MGRN1: variants seen among roughly 807,000 people sequenced by gnomAD.
MGRN1 encodes the protein mahogunin ring finger 1.
MGRN1 carries 29 observed loss-of-function variants against 69.2 expected under a neutral mutation model. The ratio of observed to expected loss-of-function variants is 0.42; its 90% CI spans 0.31 to 0.57. The LOEUF is 0.57. MGRN1 is among the 20% of genes least tolerant of loss of function. The probability of loss-of-function intolerance (pLI) is 0.15; values close to 1 mark genes in which losing one functional copy is unlikely to be tolerated. For synonymous variants in MGRN1, 470 were observed against 344.2 expected (o/e 1.37, Z -4.04); for missense variants, 998 against 796.2 (o/e 1.25, Z -3.05).
intron 1 of MGRN1, among the ~76,000 whole-genome samples, chr16:4,643,058 C>T (rs553964617): frequency 2.6e-5 from 4 of 152,162 alleles, no homozygotes; most frequent in Admixed American, 6.5e-5. Flanking sequence ...CAAGTTCAAG[C>T]GATTCTCGTG....
intron 10 of MGRN1, 49 bp from the exon 11 acceptor site, chr16:4,677,414 G>A: frequency 1.4e-6 from 2 of 1,449,190 alleles, no homozygotes; most frequent in Admixed American, 4.4e-5. Flanking sequence ...GGTCCCCTCG[G>A]GGCTGGGTGT....
intron 1 of MGRN1, among the ~76,000 whole-genome samples, chr16:4,638,433 C>G (rs1302752032): frequency 2.6e-5 from 4 of 151,924 alleles, no homozygotes; most frequent in Non-Finnish European, 5.9e-5. Context: ...CCACTGCACT[C>G]CAGCCTGGGT....
chr16:4,639,343 G>C (rs1258989467), intron 1 of MGRN1, among the ~76,000 whole-genome samples: 1 of 152,138 alleles, frequency 6.6e-6, no homozygotes, highest in South Asian at 2.1e-4. Flanking sequence ...GCCTCACCGC[G>C]GCATCCCAAG....
At chr16:4,632,148 C>G (rs1214025897) in intron 1 of MGRN1, among the ~76,000 whole-genome samples, 1 of 150,000 alleles carries the variant, frequency 6.7e-6, no homozygotes, top group African/African-American at 2.5e-5. Context: ...TCCTGTGTTG[C>G]TGGGACTACA....
At position 4,627,553 on chromosome 16, in the gene MGRN1, C is replaced by G. The variant is rs552880175; in HGVS notation, c.88+2505C>G. On this transcript the variant is annotated intron_variant, in intron 1 of 16. Coordinates refer to ENST00000262370, the MANE Select transcript of MGRN1 (RefSeq NM_015246.4). ...CTATAATCCCATCACTTTGGGAGGC[C>G]AAGGCGGGCGGATCACAAGGTCAGG... Among the ~76,000 whole-genome samples the G allele has an allele frequency of 1.2e-4, 18 of 148,804 alleles. No homozygotes were observed. The South Asian group carries it at 2.8e-3, about 23-fold the overall frequency.
At chr16:4,668,410 C>G (rs542701692) in intron 8 of MGRN1, 98 bp downstream of exon 8, 3 of 1,271,840 alleles carry the variant, frequency 2.4e-6, no homozygotes, top group Non-Finnish European at 3.4e-6. Context: ...CTCATACACA[C>G]GCACATATAC....
intron 16 of MGRN1, 109 bp from the exon 17 acceptor site, chr16:4,688,687 G>T: frequency 6.9e-7 from 1 of 1,452,782 alleles, no homozygotes; most frequent in Non-Finnish European, 9.1e-7. Context: ...GGCGGCGGGA[G>T]TGGGGGTGCT....
In MGRN1 at chr16:4,689,031, G is replaced by C. The variant is rs548702721; in HGVS notation, c.*123G>C. 3.3e-5 allele frequency: 43 copies of C among 1,314,916 alleles called. No individual in the cohort carries two copies. The South Asian group carries it at 6.1e-4, about 19-fold the overall frequency. The allele number at this position is 1,314,916 out of a possible 1,614,324, so 81.5% of individuals were successfully genotyped here. On this transcript the variant is annotated 3_prime_UTR_variant, in exon 17 of 17. Coordinates refer to ENST00000262370, the MANE Select transcript of MGRN1 (RefSeq NM_015246.4). ...CCCCCTGTGGCCACCAGGCTCCGAG[G>C]GGCCGTGGTGACTCTTGATCAAAGA...
chr16:4,686,242 TC>T (rs1422573615), intron 16 of MGRN1: 40 of 1,541,126 alleles, frequency 2.6e-5, no homozygotes, highest in Non-Finnish European at 3.4e-5. Flanking sequence ...CGTCTGTCTC[TC>T]CCCCTCTCCG....
intron 8 of MGRN1, 44 bp from the exon 9 acceptor site, chr16:4,671,347 A>G (rs773351319): frequency 1.3e-6 from 2 of 1,595,594 alleles, no homozygotes; most frequent in Non-Finnish European, 1.7e-6. Flanking sequence ...GAGCCCTCAT[A>G]TGGCAGTTGG....
chr16:4,669,221 C>T, intron 8 of MGRN1: 1 of 152,262 alleles, frequency 6.6e-6, no homozygotes, highest in Non-Finnish European at 1.5e-5. Context: ...ATCACTTGAG[C>T]CCAGGAGTTT....
chr16:4,627,232 A>G lies in MGRN1; in HGVS notation c.88+2184A>G, dbSNP rs545703189. ...CCCGATGAGAAAGCTTTCTTTTCACATCTCTGTCAATTTTGTTGATTATGT... is the reference window on the plus strand; with the variant it reads ...CCCGATGAGAAAGCTTTCTTTTCACGTCTCTGTCAATTTTGTTGATTATGT... On this transcript the variant is annotated intron_variant, in intron 1 of 16. Transcript: ENST00000262370. 6.6e-5 allele frequency among the ~76,000 whole-genome samples: 10 copies of G among 152,282 alleles called. No individual in the cohort carries two copies. In the East Asian group the frequency reaches 1.4e-3, roughly 21 times the overall value.
At position 4,678,734 on chromosome 16, in the gene MGRN1, C is replaced by G. The variant is rs555074424; in HGVS notation, c.1065+1162C>G. On this transcript the variant is annotated intron_variant, in intron 11 of 16. Coordinates refer to ENST00000262370, the MANE Select transcript of MGRN1 (RefSeq NM_015246.4). ...TTGTCAGATTGAGTGCCTTTCTTGG[C>G]TCTTAGCTGTGGCTGTTATGAGCCG... 4.8e-3 allele frequency among the ~76,000 whole-genome samples: 731 copies of G among 152,344 alleles called. 3 individuals carry two copies. Among genetic ancestry groups the G allele is most frequent in the Non-Finnish European group, 8.3e-3 (564 of 68,032 alleles).
At position 4,673,753 on chromosome 16, in the gene MGRN1, A is replaced by T. The variant is rs1223565985; in HGVS notation, c.955+96A>T. On this transcript the variant is annotated intron_variant, in intron 10 of 16. Transcript: ENST00000262370. ...GGGATAGGGGGCCACAGGTCCGTTG[A>T]TGGCTAAGAAAGAAGAGTTGTCATT... is the stretch of plus-strand genomic sequence containing the variant. 7 of 1,429,716 alleles carry T rather than the reference A, an allele frequency of 4.9e-6. No individual in the cohort carries two copies. In the African/African-American group the frequency reaches 8.5e-5, roughly 17 times the overall value. 88.6% of individuals were successfully genotyped at this position (1,429,716 alleles called of 1,614,324 possible).
chr16:4,670,222 T>C (rs139888565), intron 8 of MGRN1, among the ~76,000 whole-genome samples: 1 of 151,596 alleles, frequency 6.6e-6, no homozygotes, highest in Non-Finnish European at 1.5e-5. Flanking sequence ...GCCACCACAG[T>C]TGGTTAATTT....
chr16:4,631,907 T>TTG (rs72529025), intron 1 of MGRN1, among the ~76,000 whole-genome samples: 34,267 of 132,804 alleles, frequency 0.26, 4,483 homozygotes, highest in African/African-American at 0.37. Context: ...TTCTCAGTTG[T>TTG]TTTTTTTTTT....
At chr16:4,673,732 T>G (rs2078992420) in intron 10 of MGRN1, 75 bp downstream of exon 10, 1 of 1,546,922 alleles carries the variant, frequency 6.5e-7, no homozygotes, top group Non-Finnish European at 8.8e-7. Context: ...GGTCCTGGGA[T>G]AGGGGGCCAC....
intron 1 of MGRN1, among the ~76,000 whole-genome samples, chr16:4,630,599 C>T (rs981088238): frequency 6.6e-6 from 1 of 151,622 alleles, no homozygotes; most frequent in Non-Finnish European, 1.5e-5. Flanking sequence ...AGGTGCGAGC[C>T]ACCACGCCCG....
chr16:4,671,861 C>T (rs574027461), intron 9 of MGRN1, among the ~76,000 whole-genome samples: 14 of 152,186 alleles, frequency 9.2e-5, no homozygotes, highest in South Asian at 8.3e-4. Flanking sequence ...ACAAATAAGC[C>T]GTGGTGTACC....
Sources: allele counts gnomAD v4.1 joint callset (sites outside exome capture counted in the v4.1 genomes callset), GRCh38; gene constraint gnomAD v4.1.1; transcripts MANE v1.5; gene names NCBI Gene and HGNC (gene_info 2026-07-23, HGNC 2026-07-21).